The following VAV3 variants were observed in gnomAD, a reference collection of about 807,000 sequenced individuals.
VAV3 encodes vav guanine nucleotide exchange factor 3, also known as guanine nucleotide exchange factor VAV3.
A neutral mutation model predicts 131.2 loss-of-function variants in VAV3; 94 were observed. The ratio of observed to expected loss-of-function variants is 0.72; its 90% CI spans 0.61 to 0.85. VAV3 has a LOEUF of 0.85. Ranked by LOEUF, VAV3 falls within the 40% of genes least tolerant of loss-of-function variation. The pLI, the probability that VAV3 is intolerant of heterozygous loss-of-function variation, is 0.00. For missense variants in VAV3, 939 were observed against 1,002.7 expected, an observed-to-expected ratio of 0.94 and a Z score of 0.86; for synonymous variants, 349 against 342.0, an observed-to-expected ratio of 1.02 and a Z score of -0.22.
At position 107,605,149 on chromosome 1, in the gene VAV3, C is replaced by A. The variant is rs576008312; in HGVS notation, c.2016-1986G>T. Among the ~76,000 whole-genome samples the A allele has an allele frequency of 2.6e-5, 4 of 152,318 alleles. No individual in the cohort carries two copies. In the East Asian group the frequency reaches 7.7e-4, roughly 29 times the overall value. On this transcript the variant is annotated intron_variant, in intron 22 of 26. Transcript: ENST00000370056. ...AAGTTCTCTGTCTCTATCACAGATT[C>A]TTTCCAAATATACCTCCCAAAAATA...
chr1:107,873,010 T>C (rs1321646738), intron 2 of VAV3, among the ~76,000 whole-genome samples: 1 of 152,192 alleles, frequency 6.6e-6, no homozygotes, highest in African/African-American at 2.4e-5. Flanking sequence ...CTTTAGATCA[T>C]ACAGTTCTAA....
intron 22 of VAV3, 77 bp from the exon 23 acceptor site, chr1:107,603,240 A>G: frequency 9.4e-7 from 1 of 1,058,740 alleles, no homozygotes; most frequent in African/African-American, 1.6e-5. Flanking sequence ...GTATCTCTCA[A>G]TATTTAATTT....
chr1:107,589,711 C>CAA (rs1411815001), intron 25 of VAV3, among the ~76,000 whole-genome samples: 1 of 151,552 alleles, frequency 6.6e-6, no homozygotes. Context: ...GAAAAGATGA[C>CAA]AAAAAAACTG....
At chr1:107,687,475 T>G (rs1659112318) in intron 18 of VAV3, among the ~76,000 whole-genome samples, 1 of 152,216 alleles carries the variant, frequency 6.6e-6, no homozygotes, top group South Asian at 2.1e-4. Context: ...TTCAGATTAC[T>G]GTACTTTTGG....
At position 107,738,925 on chromosome 1, in the gene VAV3, G is replaced by A. The variant is rs903431294; in HGVS notation, c.1502+10043C>T. Among the ~76,000 whole-genome samples, 8 of 151,990 alleles carry A rather than the reference G, an allele frequency of 5.3e-5. 1 individual carries two copies. Among genetic ancestry groups the A allele is most frequent in the Non-Finnish European group, 1.0e-4 (7 of 68,008 alleles). On this transcript the variant is annotated intron_variant, in intron 15 of 26. Transcript: ENST00000370056. ...GTAGCACAGTAACCACCACTGTCAG[G>A]TTAAACTCTCTGGCTGTACTATTAT...
chr1:107,781,984 GGTT>G (rs1665715888), intron 2 of VAV3, among the ~76,000 whole-genome samples: 2 of 152,138 alleles, frequency 1.3e-5, no homozygotes, highest in African/African-American at 2.4e-5. Context: ...ACTTTGGGGA[GGTT>G]CTGGAATAAT....
chr1:107,733,694 A>G (rs1003363545), intron 15 of VAV3, among the ~76,000 whole-genome samples: 1 of 152,220 alleles, frequency 6.6e-6, no homozygotes, highest in Admixed American at 6.5e-5. Context: ...TTAGAGAAAA[A>G]AAAGTAAAAA....
At chr1:107,693,582 G>T (rs12039221) in intron 17 of VAV3, among the ~76,000 whole-genome samples, 4 of 151,936 alleles carry the variant, frequency 2.6e-5, no homozygotes, top group Non-Finnish European at 5.9e-5. Flanking sequence ...CATCCAAAAA[G>T]GGCTAACTTG....
At chr1:107,768,595 GT>G in intron 6 of VAV3, 86 bp from the exon 7 acceptor site, 1 of 1,109,472 alleles carries the variant, frequency 9.0e-7, no homozygotes, top group South Asian at 1.5e-5. Flanking sequence ...CAACAAATAC[GT>G]TTTGAAAGTC....
At chr1:107,802,596 A>G (rs1666877060) in intron 2 of VAV3, among the ~76,000 whole-genome samples, 1 of 152,106 alleles carries the variant, frequency 6.6e-6, no homozygotes, top group Non-Finnish European at 1.5e-5. Context: ...ATCTATTGAA[A>G]AGATCTTATA....
intron 1 of VAV3, among the ~76,000 whole-genome samples, chr1:107,906,866 G>A (rs1242982825): frequency 6.6e-6 from 1 of 152,076 alleles, no homozygotes; most frequent in Non-Finnish European, 1.5e-5. Context: ...GAGACCCTTG[G>A]TCCAACCTAC....
At chr1:107,768,063 G>A (rs1168970012) in intron 7 of VAV3, among the ~76,000 whole-genome samples, 1 of 152,158 alleles carries the variant, frequency 6.6e-6, no homozygotes, top group Non-Finnish European at 1.5e-5. Flanking sequence ...AAACTGATAT[G>A]GTGAGGACAT....
At chr1:107,600,009 A>C (rs1415283177) in intron 24 of VAV3, among the ~76,000 whole-genome samples, 1 of 152,000 alleles carries the variant, frequency 6.6e-6, no homozygotes, top group African/African-American at 2.4e-5. Context: ...ACCTCCTTCC[A>C]GAAGTTCAGG....
At chr1:107,733,598 AAGCTTCGGT>A (rs1273285741) in intron 15 of VAV3, among the ~76,000 whole-genome samples, 1 of 152,250 alleles carries the variant, frequency 6.6e-6, no homozygotes, top group Non-Finnish European at 1.5e-5. Context: ...ACTCATACAC[AAGCTTCGGT>A]AGCCGATTCA....
chr1:107,717,630 C>A (rs991464992), intron 15 of VAV3, among the ~76,000 whole-genome samples: 13 of 152,120 alleles, frequency 8.5e-5, no homozygotes, highest in African/African-American at 3.1e-4. Flanking sequence ...TGTTCTTTTA[C>A]ATTTGCTGAG....
At chr1:107,737,750 G>A (rs1212114320) in intron 15 of VAV3, among the ~76,000 whole-genome samples, 3 of 152,214 alleles carry the variant, frequency 2.0e-5, no homozygotes, top group African/African-American at 7.2e-5. Flanking sequence ...CTTTTACACT[G>A]TTGGTGGGAC....
intron 18 of VAV3, among the ~76,000 whole-genome samples, chr1:107,687,238 C>T (rs1659094522): frequency 2.0e-5 from 3 of 152,076 alleles, no homozygotes; most frequent in African/African-American, 7.2e-5. Flanking sequence ...AACAGATGCA[C>T]TGATTAGGTG....
In VAV3 at chr1:107,595,025, T is replaced by C. The variant is rs953441724; in HGVS notation, c.2350+1187A>G. Among the ~76,000 whole-genome samples the C allele has an allele frequency of 4.4e-4, 67 of 152,138 alleles. 3 individuals carry two copies. The highest frequency in any genetic ancestry group is 4.1e-3 in the Admixed American group (63 of 15,260). On this transcript the variant is annotated intron_variant, in intron 25 of 26. Coordinates refer to ENST00000370056, the MANE Select transcript of VAV3 (RefSeq NM_006113.5). Reference sequence around the variant, plus strand: ...GAGTTTTAAGATATTGGTAGGAAAATTGTTTTTTTGGAGAAAACTTCCATT... The same window carrying C: ...GAGTTTTAAGATATTGGTAGGAAAACTGTTTTTTTGGAGAAAACTTCCATT...
At chr1:107,867,286 A>G (rs1222408315) in intron 2 of VAV3, among the ~76,000 whole-genome samples, 4 of 152,212 alleles carry the variant, frequency 2.6e-5, no homozygotes, top group African/African-American at 9.6e-5. Flanking sequence ...TGACTCAAAA[A>G]TAATTAGGAG....
Sources: gnomAD v4.1 joint callset for allele counts (sites outside exome capture counted in the v4.1 genomes callset) on GRCh38, gnomAD v4.1.1 for gene constraint, MANE v1.5 for transcripts, NCBI Gene and HGNC (gene_info 2026-07-23, HGNC 2026-07-21) for gene names.